Variants in MEIS2 observed in about 807,000 individuals in gnomAD.
The protein encoded by MEIS2 is Meis homeobox 2.
Under a neutral mutation model 58.6 loss-of-function variants are expected in MEIS2, and 9 were observed. The ratio of observed to expected loss-of-function variants is 0.15; its 90% CI spans 0.09 to 0.27. The LOEUF (loss-of-function observed/expected upper bound fraction) is 0.27. MEIS2 is among the 10% of genes least tolerant of loss of function. MEIS2 has a pLI of 1.00. For synonymous variants in MEIS2, 221 were observed against 228.4 expected, an observed-to-expected ratio of 0.97 and a Z score of 0.29; for missense variants, 427 against 635.0, an observed-to-expected ratio of 0.67 and a Z score of 3.52.
At chr15:37,041,395 C>A (rs1232756335) in intron 7 of MEIS2, among the ~76,000 whole-genome samples, 1 of 152,146 alleles carries the variant, frequency 6.6e-6, no homozygotes, top group Admixed American at 6.6e-5. Flanking sequence ...TGAATCTAAT[C>A]CCTGGGTCCT....
intron 9 of MEIS2, chr15:36,898,436 A>T (rs2141230076): frequency 6.6e-6 from 1 of 152,124 alleles, no homozygotes; most frequent in East Asian, 1.9e-4. Context: ...AGAGGACAAC[A>T]CTCGGCAGGG....
intron 10 of MEIS2, 152 bp downstream of exon 10, chr15:36,896,476 G>T: frequency 3.8e-6 from 2 of 526,276 alleles, no homozygotes; most frequent in Admixed American, 6.8e-5. Context: ...TACTGAAGTT[G>T]CTTCCTTGAG....
chr15:36,969,673 C>A (rs2059467270), intron 8 of MEIS2, among the ~76,000 whole-genome samples: 1 of 152,092 alleles, frequency 6.6e-6, no homozygotes, highest in South Asian at 2.1e-4. Flanking sequence ...AGTAAAAGGG[C>A]AAAGATCAAA....
chr15:36,942,950 T>G (rs2141367692), intron 9 of MEIS2, among the ~76,000 whole-genome samples: 1 of 152,286 alleles, frequency 6.6e-6, no homozygotes, highest in Non-Finnish European at 1.5e-5. Flanking sequence ...GGGGCTTGTT[T>G]AAATTTTGCA....
At chr15:36,998,998 C>T (rs1329300255) in intron 8 of MEIS2, among the ~76,000 whole-genome samples, 2 of 152,222 alleles carry the variant, frequency 1.3e-5, no homozygotes, top group Non-Finnish European at 2.9e-5. Context: ...CTGTTTCTGA[C>T]ATTTAACACG....
At chr15:36,896,174 G>A (rs2056165933) in intron 10 of MEIS2, among the ~76,000 whole-genome samples, 1 of 152,228 alleles carries the variant, frequency 6.6e-6, no homozygotes, top group Admixed American at 6.5e-5. Flanking sequence ...TGGTGGCAAT[G>A]CAGCAAGTCA....
intron 8 of MEIS2, among the ~76,000 whole-genome samples, chr15:36,984,765 T>C (rs1252823346): frequency 6.6e-6 from 1 of 152,188 alleles, no homozygotes; most frequent in Non-Finnish European, 1.5e-5. Context: ...TCAATCTCCT[T>C]ACCGGTTATT....
chr15:36,897,211 A>C, intron 9 of MEIS2: 1 of 155,096 alleles, frequency 6.4e-6, no homozygotes, highest in Non-Finnish European at 1.4e-5. Context: ...CTCTTCGGCA[A>C]CTCCTGCAGT....
At chr15:36,995,725 A>AAAAAT (rs1429117260) in intron 8 of MEIS2, among the ~76,000 whole-genome samples, 1 of 44,544 alleles carries the variant, frequency 2.2e-5, no homozygotes, top group Non-Finnish European at 5.0e-5. Context: ...AAAAAAAAAA[A>AAAAAT]AAAAAACAAA....
At chr15:37,101,163 A>G (rs1304206673), upstream of MEIS2, 1 of 152,086 alleles carries the variant, frequency 6.6e-6, no homozygotes, top group Non-Finnish European at 1.5e-5. Flanking sequence ...TTCCAGGACC[A>G]GAAGAGACCA....
intron 7 of MEIS2, among the ~76,000 whole-genome samples, chr15:37,070,003 C>T (rs1260767475): frequency 2.0e-5 from 3 of 151,608 alleles, no homozygotes; most frequent in South Asian, 2.1e-4. Context: ...ACTCAATGGC[C>T]GCTTAAAAAA....
chr15:36,931,551 G>A (rs1357791700), intron 9 of MEIS2, among the ~76,000 whole-genome samples: 1 of 152,144 alleles, frequency 6.6e-6, no homozygotes, highest in Non-Finnish European at 1.5e-5. Flanking sequence ...AAGCCACAAA[G>A]CACTTCTATT....
At chr15:37,043,938 G>A (rs1426409237) in intron 7 of MEIS2, among the ~76,000 whole-genome samples, 8 of 151,930 alleles carry the variant, frequency 5.3e-5, no homozygotes, top group African/African-American at 9.7e-5. Flanking sequence ...TGCCCACCTC[G>A]GCCTCCCAAA....
chr15:37,053,612 G>GT (rs2141817553), intron 7 of MEIS2, among the ~76,000 whole-genome samples: 1 of 152,244 alleles, frequency 6.6e-6, no homozygotes, highest in East Asian at 1.9e-4. Context: ...CAAAACTGCT[G>GT]TATTATTTGG....
chr15:37,066,843 C>G (rs1890001355), intron 7 of MEIS2, among the ~76,000 whole-genome samples: 1 of 152,000 alleles, frequency 6.6e-6, no homozygotes, highest in South Asian at 2.1e-4. Flanking sequence ...GTGGTGTGAT[C>G]ATAGCTCATA....
At chr15:37,021,393 C>A (rs4924117) in intron 8 of MEIS2, among the ~76,000 whole-genome samples, 1 of 151,984 alleles carries the variant, frequency 6.6e-6, no homozygotes, top group African/African-American at 2.4e-5. Flanking sequence ...CTTTCCCCTA[C>A]GACTTATGTA....
chr15:36,894,640 A>G (rs2056072017), intron 11 of MEIS2: 1 of 1,246,502 alleles, frequency 8.0e-7, no homozygotes, highest in East Asian at 2.4e-5. Context: ...GGAAAAATAA[A>G]ATGGGGGCAA....
chr15:37,058,862 T>C (rs1888805285), intron 7 of MEIS2, among the ~76,000 whole-genome samples: 1 of 152,150 alleles, frequency 6.6e-6, no homozygotes, highest in Non-Finnish European at 1.5e-5. Flanking sequence ...GTGACCCTTT[T>C]CCAGGGGATT....
rs2055794879 is a variant in MEIS2 at position 36,890,095 on chromosome 15, G to A, written c.*2078C>T. ...GGAAGAGCCCCAAATAATAACTATG[G>A]ATTTCTTCCAAGTTTAAGTTTGCAG... is the stretch of plus-strand genomic sequence containing the variant. On this transcript the variant is annotated 3_prime_UTR_variant, in exon 12 of 12. Transcript: ENST00000561208. 1.3e-5 allele frequency: 2 copies of A among 152,152 alleles called. No individual in the cohort carries two copies. Among genetic ancestry groups the A allele is most frequent in the South Asian group, 4.2e-4 (2 of 4,818 alleles). The allele number at this position is 152,152 out of a possible 1,614,324, so 9.4% of individuals were successfully genotyped here. A position where few individuals can be genotyped will look rare whatever the true frequency, so the allele number is the denominator to read the frequency against.
Sources: gnomAD v4.1 joint callset for allele counts (sites outside exome capture counted in the v4.1 genomes callset) on GRCh38, gnomAD v4.1.1 for gene constraint, MANE v1.5 for transcripts, NCBI Gene and HGNC (gene_info 2026-07-23, HGNC 2026-07-21) for gene names.